The following SYNDIG1L variants were observed in gnomAD, a reference collection of about 807,000 sequenced individuals.
SYNDIG1L encodes synapse differentiation inducing 1 like.
A neutral mutation model predicts 20.1 loss-of-function variants in SYNDIG1L; 13 were observed. The observed-to-expected ratio is 0.65, with a 90% CI of 0.42 to 1.03. The LOEUF (loss-of-function observed/expected upper bound fraction) is 1.03. Ranked by LOEUF, SYNDIG1L falls within the 50% of genes least tolerant of loss-of-function variation. The probability of loss-of-function intolerance (pLI) is 0.00; values close to 1 mark genes in which losing one functional copy is unlikely to be tolerated. For synonymous variants in SYNDIG1L, 128 were observed against 129.3 expected, an observed-to-expected ratio of 0.99 and a Z score of 0.07; for missense variants, 294 against 305.1, an observed-to-expected ratio of 0.96 and a Z score of 0.27.
chr14:74,456,822 T>C, the SYNDIG1L span, among the ~76,000 whole-genome samples: 1 of 152,058 alleles, frequency 6.6e-6, no homozygotes, highest in Non-Finnish European at 1.5e-5. Flanking sequence ...GGCAGGATTC[T>C]AGGAGCAACA....
the SYNDIG1L span, among the ~76,000 whole-genome samples, chr14:74,446,114 G>A: frequency 6.6e-6 from 1 of 152,010 alleles, no homozygotes; most frequent in African/African-American, 2.4e-5. Context: ...AGAAAGTAAG[G>A]AATTTAAAGA....
the SYNDIG1L span, among the ~76,000 whole-genome samples, chr14:74,442,761 G>T: frequency 6.6e-6 from 1 of 152,252 alleles, no homozygotes; most frequent in Non-Finnish European, 1.5e-5. Flanking sequence ...GAGGAAGTTA[G>T]AAGTGGACAG....
chr14:74,422,743 T>C (rs2086233585), intron 1 of SYNDIG1L, among the ~76,000 whole-genome samples: 1 of 145,558 alleles, frequency 6.9e-6, no homozygotes. Flanking sequence ...AGACAGGGTC[T>C]CCCTCTATCA....
upstream of SYNDIG1L, among the ~76,000 whole-genome samples, chr14:74,429,980 C>A (rs2086291436): frequency 6.6e-6 from 1 of 152,162 alleles, no homozygotes; most frequent in Non-Finnish European, 1.5e-5. Flanking sequence ...CCATAGGAGA[C>A]TGCAAAACGG....
At chr14:74,460,468 G>C in the SYNDIG1L span, among the ~76,000 whole-genome samples, 2 of 152,150 alleles carry the variant, frequency 1.3e-5, no homozygotes, top group Non-Finnish European at 2.9e-5. Flanking sequence ...TGGAATGTTA[G>C]ATCCAAATTT....
At chr14:74,436,868 A>AG in the SYNDIG1L span, among the ~76,000 whole-genome samples, 1 of 150,036 alleles carries the variant, frequency 6.7e-6, no homozygotes, top group African/African-American at 2.4e-5. Context: ...AAAAAAAAAA[A>AG]GCTCAGCTCA....
chr14:74,444,683 G>A, the SYNDIG1L span, among the ~76,000 whole-genome samples: 1 of 151,906 alleles, frequency 6.6e-6, no homozygotes, highest in African/African-American at 2.4e-5. Context: ...CCTGGGAGGC[G>A]GAGATTGCAG....
the SYNDIG1L span, among the ~76,000 whole-genome samples, chr14:74,454,810 C>G: frequency 6.6e-6 from 1 of 152,212 alleles, no homozygotes; most frequent in Non-Finnish European, 1.5e-5. Flanking sequence ...TTTTTCCCAC[C>G]ATTCTGATCG....
At chr14:74,449,461 A>AAAAAAAAAAAAT in the SYNDIG1L span, among the ~76,000 whole-genome samples, 1 of 145,092 alleles carries the variant, frequency 6.9e-6, no homozygotes, top group African/African-American at 2.5e-5. Context: ...AAAAAAAAAA[A>AAAAAAAAAAAAT]AAAAGCCAGG....
rs2086115621 is a variant in SYNDIG1L at position 74,409,707 on chromosome 14, G to C, written c.38C>G (p.Pro13Arg). The C allele has an allele frequency of 2.7e-6, 4 of 1,470,324 alleles. No individual in the cohort carries two copies. Among genetic ancestry groups the C allele is most frequent in the African/African-American group, 1.4e-5 (1 of 70,498 alleles). The allele number at this position is 1,470,324 out of a possible 1,614,324, so 91.1% of individuals were successfully genotyped here. A position where few individuals can be genotyped will look rare whatever the true frequency, so the allele number is the denominator to read the frequency against. ...SLSELQNPLLPRSPAHLHGPY... is the reference protein window; with the variant it reads ...SLSELQNPLLRRSPAHLHGPY... ...GCCATGGAGATGGGCAGGGCTCCTG[G>C]GCAGCAGCGGGTTCTGTAGTTCACT... The change falls in exon 2 of 4, where the codon CCC becomes CGC. Residue 13 changes from proline (P) to arginine (R), a missense_variant. Coordinates refer to ENST00000331628, the MANE Select transcript of SYNDIG1L (RefSeq NM_001105579.2).
At chr14:74,466,749 A>C in the SYNDIG1L span, among the ~76,000 whole-genome samples, 3 of 152,310 alleles carry the variant, frequency 2.0e-5, no homozygotes, top group East Asian at 5.8e-4. Flanking sequence ...TCCGTTAGAC[A>C]AAAGGTCCGG....
chr14:74,471,702 G>T, the SYNDIG1L span, among the ~76,000 whole-genome samples: 1 of 152,132 alleles, frequency 6.6e-6, no homozygotes, highest in Admixed American at 6.5e-5. Flanking sequence ...CATTTAATGT[G>T]CAACTATAGT....
chr14:74,415,667 G>A (rs1281172602), intron 1 of SYNDIG1L, among the ~76,000 whole-genome samples: 1 of 151,986 alleles, frequency 6.6e-6, no homozygotes, highest in Non-Finnish European at 1.5e-5. Context: ...AACCTCCCAG[G>A]TAGCTGGGAC....
chr14:74,438,110 T>C, the SYNDIG1L span, among the ~76,000 whole-genome samples: 1 of 152,226 alleles, frequency 6.6e-6, no homozygotes, highest in East Asian at 1.9e-4. Flanking sequence ...GTATGCTATA[T>C]AAAATCCTTG....
At chr14:74,469,519 TAAA>T in the SYNDIG1L span, among the ~76,000 whole-genome samples, 1 of 148,650 alleles carries the variant, frequency 6.7e-6, no homozygotes, top group Non-Finnish European at 1.5e-5. Flanking sequence ...TAAAGTATAA[TAAA>T]AAAAAAAGAA....
the SYNDIG1L span, among the ~76,000 whole-genome samples, chr14:74,437,839 G>A: frequency 2.6e-5 from 4 of 152,300 alleles, no homozygotes; most frequent in African/African-American, 7.2e-5. Flanking sequence ...CAGCCGCTCA[G>A]GGGCTGTTTT....
chr14:74,460,925 C>G, the SYNDIG1L span, among the ~76,000 whole-genome samples: 2 of 152,060 alleles, frequency 1.3e-5, no homozygotes, highest in Admixed American at 1.3e-4. Context: ...GCTGGGATTA[C>G]AGGAGTGAGC....
the SYNDIG1L span, among the ~76,000 whole-genome samples, chr14:74,451,227 T>C: frequency 2.0e-5 from 3 of 152,058 alleles, no homozygotes; most frequent in South Asian, 2.1e-4. Context: ...GACAGAAAAA[T>C]AGTCAGTTAA....
At chr14:74,429,217 T>A (rs2086286916), upstream of SYNDIG1L, among the ~76,000 whole-genome samples, 1 of 152,176 alleles carries the variant, frequency 6.6e-6, no homozygotes, top group Admixed American at 6.5e-5. Flanking sequence ...TCGCTGGGAC[T>A]AGGGTGAGGA....
Sources: allele counts gnomAD v4.1 joint callset (sites outside exome capture counted in the v4.1 genomes callset), GRCh38; gene constraint gnomAD v4.1.1; transcripts MANE v1.5; gene names NCBI Gene and HGNC (gene_info 2026-07-23, HGNC 2026-07-21).